Variants in ULK4 observed in about 807,000 individuals in gnomAD.
ULK4 encodes the protein unc-51 like kinase 4.
Under a neutral mutation model 160.6 loss-of-function variants are expected in ULK4, and 133 were observed. The ratio of observed to expected loss-of-function variants is 0.83; its 90% CI spans 0.72 to 0.96. ULK4 has a LOEUF of 0.96. Ranked by LOEUF, ULK4 falls within the 40% of genes least tolerant of loss-of-function variation. ULK4 has a pLI of 0.00. For synonymous variants in ULK4, 534 were observed against 539.8 expected (o/e 0.99, Z 0.15); for missense variants, 1,580 against 1,499.5 (o/e 1.05, Z -0.89).
rs71075484 is a variant in ULK4 at position 41,794,660 on chromosome 3, C to CAAAAAAAAAAAAA, written c.2011-4830_2011-4818dup. On this transcript the variant is annotated intron_variant, in intron 20 of 36. Coordinates refer to ENST00000301831, the MANE Select transcript of ULK4 (RefSeq NM_017886.4). ...TGGGTGACAGAGCAAGACTCTGTCT[C>CAAAAAAAAAAAAA]AAAAAAAAAAAAAAAAAAAAAAAAA... Among the ~76,000 whole-genome samples, 93 of 18,976 alleles carry CAAAAAAAAAAAAA rather than the reference C, an allele frequency of 4.9e-3. 1 individual carries two copies. Among genetic ancestry groups the CAAAAAAAAAAAAA allele is most frequent in the South Asian group, 0.016 (3 of 188 alleles). 12.4% of individuals were successfully genotyped at this position (18,976 alleles called of 152,430 possible).
chr3:41,690,813 A>G (rs916780919), intron 27 of ULK4, among the ~76,000 whole-genome samples: 3 of 151,798 alleles, frequency 2.0e-5, no homozygotes, highest in African/African-American at 7.2e-5. Context: ...CAACCAGACC[A>G]CCTTTCCAGG....
intron 34 of ULK4, among the ~76,000 whole-genome samples, chr3:41,414,574 T>C (rs1242478275): frequency 6.6e-6 from 1 of 152,188 alleles, no homozygotes; most frequent in Non-Finnish European, 1.5e-5. Flanking sequence ...AGATATTAAC[T>C]AGCCAAGAAA....
chr3:41,393,463 C>T (rs1559566137), intron 35 of ULK4, among the ~76,000 whole-genome samples: 1 of 152,118 alleles, frequency 6.6e-6, no homozygotes, highest in African/African-American at 2.4e-5. Flanking sequence ...GTGCTTCTTC[C>T]TGCTCAGTGT....
intron 31 of ULK4, among the ~76,000 whole-genome samples, chr3:41,614,970 C>T (rs949472551): frequency 9.9e-5 from 15 of 152,136 alleles, no homozygotes; most frequent in Non-Finnish European, 2.2e-4. Flanking sequence ...AAGAGAATAA[C>T]ATACCCAGGC....
At chr3:41,346,474 G>A (rs1293075843) in intron 35 of ULK4, among the ~76,000 whole-genome samples, 3 of 152,080 alleles carry the variant, frequency 2.0e-5, no homozygotes, top group Non-Finnish European at 4.4e-5. Context: ...AAGTGAGCTC[G>A]GCACTGGCTC....
At chr3:41,654,834 G>A (rs1445614415) in intron 30 of ULK4, among the ~76,000 whole-genome samples, 2 of 152,204 alleles carry the variant, frequency 1.3e-5, no homozygotes, top group Non-Finnish European at 2.9e-5. Context: ...CCCCACTAGA[G>A]AAACCTTGTA....
At chr3:41,669,162 A>G (rs928788962) in intron 29 of ULK4, among the ~76,000 whole-genome samples, 2 of 152,212 alleles carry the variant, frequency 1.3e-5, no homozygotes. Context: ...GGGCAGTTTC[A>G]TAAAGGGAAG....
intron 19 of ULK4, among the ~76,000 whole-genome samples, chr3:41,818,480 A>G (rs1259539401): frequency 1.3e-5 from 2 of 152,234 alleles, no homozygotes; most frequent in African/African-American, 4.8e-5. Context: ...AAACCCAAAC[A>G]CGTCTTTTGA....
In ULK4 at chr3:41,706,896, T is replaced by G. The variant is rs1177004704; in HGVS notation, c.2635-1591A>C. ...GTGTGTGTGTGTGTGTGTGTATATA[T>G]ATATAGAGAGAGAGAGAGAATAGAA... On this transcript the variant is annotated intron_variant, in intron 25 of 36. Coordinates refer to ENST00000301831, the MANE Select transcript of ULK4 (RefSeq NM_017886.4). 1.5e-3 allele frequency among the ~76,000 whole-genome samples: 195 copies of G among 130,004 alleles called. 2 individuals carry two copies. The Middle Eastern group carries it at 0.018, about 12-fold the overall frequency. The allele number at this position is 130,004 out of a possible 152,430, so 85.3% of individuals were successfully genotyped here. A position where few individuals can be genotyped will look rare whatever the true frequency, so the allele number is the denominator to read the frequency against.
chr3:41,470,121 G>A (rs1029947668), intron 32 of ULK4, among the ~76,000 whole-genome samples: 8 of 150,416 alleles, frequency 5.3e-5, no homozygotes, highest in Middle Eastern at 3.5e-3. Context: ...TCAGGTAGAG[G>A]AAGCACAGAG....
intron 35 of ULK4, among the ~76,000 whole-genome samples, chr3:41,267,542 C>T (rs2079063623): frequency 6.6e-6 from 1 of 152,090 alleles, no homozygotes; most frequent in African/African-American, 2.4e-5. Flanking sequence ...AATGGTATTG[C>T]TGGGTCAAAT....
At chr3:41,860,089 A>T (rs978788204) in intron 17 of ULK4, among the ~76,000 whole-genome samples, 1 of 152,190 alleles carries the variant, frequency 6.6e-6, no homozygotes, top group Non-Finnish European at 1.5e-5. Flanking sequence ...TAGTGGTCAG[A>T]AAAGAGGCTT....
At chr3:41,669,993 G>A (rs1299475499) in intron 29 of ULK4, among the ~76,000 whole-genome samples, 3 of 152,198 alleles carry the variant, frequency 2.0e-5, no homozygotes, top group South Asian at 4.1e-4. Context: ...AGCAAAACCT[G>A]AGAGTCTTGA....
At chr3:41,579,017 T>C (rs1231144821) in intron 31 of ULK4, among the ~76,000 whole-genome samples, 2 of 152,220 alleles carry the variant, frequency 1.3e-5, no homozygotes, top group African/African-American at 4.8e-5. Context: ...TTCTTGGCTA[T>C]ACGCTGAGTG....
rs568074223 is a variant in ULK4 at position 41,391,015 on chromosome 3, T to A, written c.3678+7064A>T. ...TACTTTTTACTTCTATGAGAGCAAC[T>A]TTTTTTAGCTTCCACATATGAGTGA... On this transcript the variant is annotated intron_variant, in intron 35 of 36. Coordinates refer to ENST00000301831, the MANE Select transcript of ULK4 (RefSeq NM_017886.4). Among the ~76,000 whole-genome samples, 18 of 152,202 alleles carry A rather than the reference T, an allele frequency of 1.2e-4. No homozygotes were observed. The East Asian group carries it at 3.3e-3, about 28-fold the overall frequency.
At chr3:41,645,142 C>G (rs2034423522) in intron 30 of ULK4, among the ~76,000 whole-genome samples, 1 of 151,934 alleles carries the variant, frequency 6.6e-6, no homozygotes, top group Non-Finnish European at 1.5e-5. Flanking sequence ...TTCAAAAAAC[C>G]AGCTCCTGGA....
At chr3:41,757,494 T>C (rs1431638990) in intron 21 of ULK4, among the ~76,000 whole-genome samples, 2 of 151,422 alleles carry the variant, frequency 1.3e-5, no homozygotes, top group East Asian at 4.0e-4. Flanking sequence ...TAGCCAGGTG[T>C]GGTGGCGGGT....
intron 19 of ULK4, among the ~76,000 whole-genome samples, chr3:41,807,010 C>T (rs1328616904): frequency 6.6e-6 from 1 of 151,994 alleles, no homozygotes; most frequent in East Asian, 1.9e-4. Context: ...CGCCTATAGT[C>T]CCTGCTACTT....
intron 32 of ULK4, among the ~76,000 whole-genome samples, chr3:41,522,713 A>T (rs1272375300): frequency 2.0e-5 from 3 of 152,272 alleles, no homozygotes; most frequent in African/African-American, 7.2e-5. Flanking sequence ...CAACTGCTTG[A>T]AAGTTTTTAG....
Sources: gnomAD v4.1 joint callset for allele counts (sites outside exome capture counted in the v4.1 genomes callset) on GRCh38, gnomAD v4.1.1 for gene constraint, MANE v1.5 for transcripts, NCBI Gene and HGNC (gene_info 2026-07-23, HGNC 2026-07-21) for gene names.